The following CFAP54 variants were observed in gnomAD, a reference collection of about 807,000 sequenced individuals.
CFAP54 encodes the protein cilia and flagella associated protein 54.
CFAP54 carries 290 observed loss-of-function variants against 370.4 expected under a neutral mutation model. The observed-to-expected ratio is 0.78, with a 90% CI of 0.71 to 0.86. The LOEUF (loss-of-function observed/expected upper bound fraction) is 0.86, where lower values mean the gene tolerates loss of function less well. Ranked by LOEUF, CFAP54 falls within the 40% of genes least tolerant of loss-of-function variation. CFAP54 has a pLI of 0.00. For synonymous variants in CFAP54, 1,206 were observed against 1,236.5 expected (o/e 0.98, Z 0.52); for missense variants, 3,399 against 3,528.7 (o/e 0.96, Z 0.93).
chr12:96,633,859 C>T (rs993069244), intron 32 of CFAP54, among the ~76,000 whole-genome samples: 1 of 152,122 alleles, frequency 6.6e-6, no homozygotes. Context: ...GCATCCTCCA[C>T]TCTTTTGCAG....
intron 63 of CFAP54, among the ~76,000 whole-genome samples, chr12:96,794,111 T>C (rs1958732536): frequency 6.6e-6 from 1 of 152,220 alleles, no homozygotes; most frequent in Non-Finnish European, 1.5e-5. Flanking sequence ...AATCTGCTAT[T>C]AATCTTGTAG....
intron 62 of CFAP54, among the ~76,000 whole-genome samples, chr12:96,789,485 G>A (rs1399678054): frequency 6.6e-6 from 1 of 152,168 alleles, no homozygotes; most frequent in East Asian, 1.9e-4. Flanking sequence ...TTGGAGTAGG[G>A]GGCAGAGGAC....
chr12:96,608,458 A>AGT, intron 26 of CFAP54, among the ~76,000 whole-genome samples: 1 of 85,776 alleles, frequency 1.2e-5, no homozygotes, highest in African/African-American at 4.0e-5. Context: ...GCATAGTAGG[A>AGT]CTTTTTTTTT....
chr12:96,820,128 C>G (rs190317802), intron 65 of CFAP54, among the ~76,000 whole-genome samples: 1 of 152,142 alleles, frequency 6.6e-6, no homozygotes, highest in African/African-American at 2.4e-5. Flanking sequence ...CAGACTCTTG[C>G]CTCACTCTGC....
intron 65 of CFAP54, among the ~76,000 whole-genome samples, chr12:96,825,267 T>C (rs1435594692): frequency 1.9e-5 from 2 of 104,114 alleles, no homozygotes; most frequent in Non-Finnish European, 3.7e-5. Flanking sequence ...TTATATATAA[T>C]ATAACATGTT....
At chr12:96,853,725 G>A (rs1181762103) in intron 66 of CFAP54, among the ~76,000 whole-genome samples, 2 of 152,080 alleles carry the variant, frequency 1.3e-5, no homozygotes, top group Non-Finnish European at 2.9e-5. Context: ...CACAAGGGTC[G>A]GTTCTGACAT....
Position 96,516,972 on chromosome 12 carries a change from T to C in CFAP54, c.799-1956T>C, listed in dbSNP as rs566033409. Among the ~76,000 whole-genome samples the C allele has an allele frequency of 1.8e-4, 28 of 152,256 alleles. No homozygotes were observed. The South Asian group carries it at 5.6e-3, about 30-fold the overall frequency. ...ACATGCTCTTACTGGGGCCATGTTT[T>C]AGATATGGATATCATTTGACTTTTT... is the stretch of plus-strand genomic sequence containing the variant. On this transcript the variant is annotated intron_variant, in intron 5 of 67. Coordinates refer to ENST00000524981, the MANE Select transcript of CFAP54 (RefSeq NM_001306084.2).
At chr12:96,572,745 A>C (rs1955934914) in intron 19 of CFAP54, 1 of 427,906 alleles carries the variant, frequency 2.3e-6, no homozygotes, top group Non-Finnish European at 3.1e-6. Flanking sequence ...TAAATAATAC[A>C]GATGTTCAAG....
chr12:96,658,258 G>A lies in CFAP54; in HGVS notation c.5372G>A (p.Arg1791His), dbSNP rs767359270. The A allele has an allele frequency of 1.3e-5, 21 of 1,613,854 alleles. No individual in the cohort carries two copies. In the East Asian group the frequency reaches 1.6e-4, roughly 12 times the overall value. ...QVTPLLVYAQ[R>H]QLLLRIQKFK... The stretch of plus-strand genomic sequence containing the variant: ...ACACCACTTCTGGTGTATGCACAGC[G>A]CCAGCTTCTGCTGAGAATACAGAAG... Residue 1791 changes from arginine (R) to histidine (H), a missense_variant, in exon 38 of 68, where the codon CGC becomes CAC. Coordinates refer to ENST00000524981, the MANE Select transcript of CFAP54 (RefSeq NM_001306084.2).
chr12:96,810,936 G>A (rs1592777282), intron 63 of CFAP54, among the ~76,000 whole-genome samples: 2 of 152,028 alleles, frequency 1.3e-5, no homozygotes, highest in Admixed American at 6.6e-5. Flanking sequence ...AGGCAGATAC[G>A]GGAACCTCCT....
At chr12:96,644,136 A>T (rs1376160621) in intron 32 of CFAP54, 42 bp from the exon 33 acceptor site, 3 of 1,285,540 alleles carry the variant, frequency 2.3e-6, no homozygotes, top group African/African-American at 3.0e-5. Context: ...TAAATATCTG[A>T]AAGTTCTTGT....
chr12:96,853,833 G>A (rs546886010), intron 66 of CFAP54, among the ~76,000 whole-genome samples: 16 of 151,994 alleles, frequency 1.1e-4, no homozygotes, highest in South Asian at 6.3e-4. Flanking sequence ...GCTTTCACTC[G>A]TGGCCTCCAT....
chr12:96,501,021 AT>A, intron 2 of CFAP54, 82 bp downstream of exon 2: 1 of 711,718 alleles, frequency 1.4e-6, no homozygotes, highest in Non-Finnish European at 2.1e-6. Flanking sequence ...TACCCTTCCT[AT>A]TTTACATGTT....
intron 67 of CFAP54, among the ~76,000 whole-genome samples, chr12:96,871,850 T>C (rs1367589191): frequency 1.3e-5 from 2 of 152,034 alleles, no homozygotes; most frequent in Non-Finnish European, 2.9e-5. Flanking sequence ...GTAGAAATTA[T>C]CTAAGCACTG....
chr12:96,790,134 G>A (rs1259742795), intron 62 of CFAP54, among the ~76,000 whole-genome samples: 1 of 152,068 alleles, frequency 6.6e-6, no homozygotes, highest in Non-Finnish European at 1.5e-5. Context: ...AACAAAGGTG[G>A]CAAACAAGTT....
At chr12:96,629,968 C>T (rs1334160020) in intron 30 of CFAP54, 125 bp from the exon 31 acceptor site, 2 of 443,528 alleles carry the variant, frequency 4.5e-6, no homozygotes, top group East Asian at 6.4e-5. Flanking sequence ...CAAATTGATG[C>T]ATAGGACACA....
chr12:96,793,200 C>G (rs1231519292), intron 63 of CFAP54, among the ~76,000 whole-genome samples: 1 of 152,104 alleles, frequency 6.6e-6, no homozygotes, highest in Non-Finnish European at 1.5e-5. Context: ...CCACCCTCTC[C>G]CCCGAGCCCC....
intron 17 of CFAP54, among the ~76,000 whole-genome samples, chr12:96,558,618 T>C (rs1038631020): frequency 3.1e-4 from 47 of 151,934 alleles, no homozygotes; most frequent in Non-Finnish European, 1.3e-4. Flanking sequence ...TTGACAAACA[T>C]ACACTGGAGA....
intron 67 of CFAP54, among the ~76,000 whole-genome samples, chr12:96,869,880 A>T (rs1166472133): frequency 6.9e-6 from 1 of 144,736 alleles, no homozygotes; most frequent in Non-Finnish European, 1.5e-5. Flanking sequence ...GGTTGCAGAG[A>T]GCCGAGATTG....
Sources: gnomAD v4.1 joint callset for allele counts (sites outside exome capture counted in the v4.1 genomes callset) on GRCh38, gnomAD v4.1.1 for gene constraint, MANE v1.5 for transcripts, NCBI Gene and HGNC (gene_info 2026-07-23, HGNC 2026-07-21) for gene names.